OPTN: variants seen among roughly 807,000 people sequenced by gnomAD.
OPTN encodes the protein E3-14.7K-interacting protein.
OPTN carries 54 observed loss-of-function variants against 70.4 expected under a neutral mutation model. The observed-to-expected ratio is 0.77, with a 90% CI of 0.62 to 0.96. OPTN has a LOEUF of 0.96. OPTN is among the 40% of genes least tolerant of loss of function. The pLI, the probability that OPTN is intolerant of heterozygous loss-of-function variation, is 0.00. For synonymous variants in OPTN, 256 were observed against 248.5 expected, an observed-to-expected ratio of 1.03 and a Z score of -0.28; for missense variants, 624 against 673.2, an observed-to-expected ratio of 0.93 and a Z score of 0.81.
chr10:13,114,368 G>A (rs896822390), intron 5 of OPTN, among the ~76,000 whole-genome samples: 4 of 152,028 alleles, frequency 2.6e-5, no homozygotes, highest in African/African-American at 7.2e-5. Flanking sequence ...GCAAGTGATC[G>A]AAGATTACTG....
intron 5 of OPTN, among the ~76,000 whole-genome samples, chr10:13,112,904 G>T (rs1439109290): frequency 6.7e-6 from 1 of 148,626 alleles, no homozygotes; most frequent in Non-Finnish European, 1.5e-5. Flanking sequence ...GAACATTTTT[G>T]TGACCAGAAA....
chr10:13,136,344 C>T (rs906204000), intron 14 of OPTN, among the ~76,000 whole-genome samples: 1 of 151,820 alleles, frequency 6.6e-6, no homozygotes, highest in African/African-American at 2.4e-5. Flanking sequence ...CACATCTCTA[C>T]TAAAAATACA....
At chr10:13,123,897 A>AC in intron 8 of OPTN, 98 bp from the exon 9 acceptor site, 1 of 804,810 alleles carries the variant, frequency 1.2e-6, no homozygotes, top group Non-Finnish European at 2.2e-6. Context: ...AGCCAGTCTT[A>AC]ATTGGCTACT....
In OPTN at chr10:13,116,357, T is replaced by G; in HGVS notation, c.626+17T>G. The G allele has an allele frequency of 6.2e-7, 1 of 1,603,514 alleles. No homozygotes were observed. Among genetic ancestry groups the G allele is most frequent in the Non-Finnish European group, 8.5e-7 (1 of 1,170,488 alleles). The stretch of plus-strand genomic sequence containing the variant: ...CACTGGCACGTATGTGAAGGAAGAC[T>G]CGGGCTGTCAGGCAGACAGGCTGGG... On this transcript the variant is annotated intron_variant, in intron 6 of 14. Transcript: ENST00000378747.
intron 5 of OPTN, among the ~76,000 whole-genome samples, chr10:13,115,359 T>G (rs1342994622): frequency 8.5e-5 from 9 of 105,504 alleles, no homozygotes; most frequent in Non-Finnish European, 1.4e-4. Flanking sequence ...AATTGTATAA[T>G]ATATATACAC....
chr10:13,100,680 G>A (rs1258916284), intron 1 of OPTN, among the ~76,000 whole-genome samples: 3 of 152,228 alleles, frequency 2.0e-5, no homozygotes, highest in African/African-American at 7.2e-5. Flanking sequence ...TTACAGACAC[G>A]CCTGTGGGAG....
chr10:13,123,028 G>C (rs1833385351), intron 8 of OPTN: 1 of 164,088 alleles, frequency 6.1e-6, no homozygotes, highest in African/African-American at 2.4e-5. Context: ...GTCTCTTCTT[G>C]ACTGATTTCT....
rs1298138219 is a variant in OPTN at position 13,116,402 on chromosome 10, T to C, written c.626+62T>C. 5.2e-6 allele frequency: 6 copies of C among 1,145,530 alleles called. No homozygotes were observed. In the African/African-American group the frequency reaches 9.1e-5, roughly 17 times the overall value. 71.0% of individuals were successfully genotyped at this position (1,145,530 alleles called of 1,614,324 possible). A position where few individuals can be genotyped will look rare whatever the true frequency, so the allele number is the denominator to read the frequency against. On this transcript the variant is annotated intron_variant, in intron 6 of 14. Coordinates refer to ENST00000378747, the MANE Select transcript of OPTN (RefSeq NM_001008212.2). ...GCTGGGCAGGCTCGTCACTGGGTGC[T>C]TGTCACCGGAGGTCAAATGTTGTGA...
chr10:13,109,278 C>T lies in OPTN; in HGVS notation c.156C>T (p.His52=), dbSNP rs1832940971. 3 of 1,613,842 alleles carry T rather than the reference C, an allele frequency of 1.9e-6. No homozygotes were observed. Among genetic ancestry groups the T allele is most frequent in the Non-Finnish European group, 1.7e-6 (2 of 1,179,956 alleles). Residue 52 remains histidine (H), a synonymous_variant, in exon 3 of 15, where the codon CAC becomes CAT. Transcript: ENST00000378747. ...TGAAAGAGCTCCTGACCGAGAACCA[C>T]CAGCTGAAAGGTGAGCAGGGCTGGC... ...QQMKELLTEN[H]QLKEAMKLNN... is the part of the protein sequence containing the mutation.
intron 7 of OPTN, among the ~76,000 whole-genome samples, chr10:13,119,249 G>A (rs555993191): frequency 2.0e-5 from 3 of 152,240 alleles, no homozygotes; most frequent in Middle Eastern, 6.8e-3. Context: ...CAAGCAATGT[G>A]CTTTCTGTCT....
At chr10:13,115,113 TTATA>T (rs796205874) in intron 5 of OPTN, among the ~76,000 whole-genome samples, 8 of 89,870 alleles carry the variant, frequency 8.9e-5, no homozygotes, top group African/African-American at 2.5e-4. Flanking sequence ...TTTATATATA[TTATA>T]TATATATATA....
At chr10:13,113,602 A>G (rs1365761196) in intron 5 of OPTN, among the ~76,000 whole-genome samples, 1 of 152,180 alleles carries the variant, frequency 6.6e-6, no homozygotes, top group African/African-American at 2.4e-5. Flanking sequence ...GCCTGGGCAT[A>G]GGGGCAGCCC....
At position 13,116,817 on chromosome 10, in the gene OPTN, T is replaced by C. The variant is rs114813135; in HGVS notation, c.626+477T>C. The stretch of plus-strand genomic sequence containing the variant: ...CAATGACTGATAGCACTCTCAGTCA[T>C]TGTGGGTGTTGCCTGAAAGTGCCCA... On this transcript the variant is annotated intron_variant, in intron 6 of 14. Transcript: ENST00000378747. Among the ~76,000 whole-genome samples, 403 of 152,312 alleles carry C rather than the reference T, an allele frequency of 2.6e-3. 5 individuals are homozygous for C. Among genetic ancestry groups the C allele is most frequent in the African/African-American group, 9.5e-3 (393 of 41,576 alleles).
chr10:13,100,184 C>A lies in OPTN; in HGVS notation c.-282C>A. ...CCCCAGTCCCGGCTGCCCCCTCCGC[C>A]ACCGCCGCCGCCCGCCGGCAGGTTC... On this transcript the variant is annotated 5_prime_UTR_variant, in exon 1 of 15. Transcript: ENST00000378747. The A allele has an allele frequency of 6.5e-6, 1 of 154,642 alleles. No individual in the cohort carries two copies. The highest frequency in any genetic ancestry group is 1.8e-4 in the South Asian group (1 of 5,538). 9.6% of individuals were successfully genotyped at this position (154,642 alleles called of 1,614,324 possible).
At chr10:13,106,999 C>T (rs919656073) in intron 1 of OPTN, among the ~76,000 whole-genome samples, 2 of 152,192 alleles carry the variant, frequency 1.3e-5, no homozygotes, top group African/African-American at 4.8e-5. Context: ...CCCTTTTGTG[C>T]ATGCGTGGCT....
intron 6 of OPTN, among the ~76,000 whole-genome samples, chr10:13,117,154 C>G (rs1321340703): frequency 1.4e-5 from 2 of 142,724 alleles, no homozygotes; most frequent in African/African-American, 5.2e-5. Context: ...GATCTCGGCT[C>G]ACTGCAAGCT....
chr10:13,113,431 A>G (rs1588437114), intron 5 of OPTN, among the ~76,000 whole-genome samples: 1 of 152,204 alleles, frequency 6.6e-6, no homozygotes, highest in East Asian at 1.9e-4. Flanking sequence ...AGGTTGAGGG[A>G]GTGTCCTGGC....
intron 14 of OPTN, among the ~76,000 whole-genome samples, chr10:13,136,137 T>C (rs527724315): frequency 6.6e-6 from 1 of 151,844 alleles, no homozygotes; most frequent in African/African-American, 2.4e-5. Flanking sequence ...CAGTGAGCTA[T>C]GATTGTGCCA....
chr10:13,132,029 C>G, intron 12 of OPTN, 38 bp from the exon 13 acceptor site: 1 of 1,601,290 alleles, frequency 6.2e-7, no homozygotes, highest in Non-Finnish European at 8.5e-7. Flanking sequence ...CTGCATTCAT[C>G]TAGGTACTAA....
Sources: gnomAD v4.1 joint callset for allele counts (sites outside exome capture counted in the v4.1 genomes callset) on GRCh38, gnomAD v4.1.1 for gene constraint, MANE v1.5 for transcripts, NCBI Gene and HGNC (gene_info 2026-07-23, HGNC 2026-07-21) for gene names.